Variants in SERPINE3 observed in about 807,000 individuals in gnomAD.
SERPINE3 encodes the protein serpin family E member 3.
Under a neutral mutation model 41.7 loss-of-function variants are expected in SERPINE3, and 43 were observed. The observed-to-expected ratio is 1.03, with a 90% confidence interval of 0.81 to 1.33. The LOEUF is 1.33. Among genes scored for constraint, SERPINE3 ranks in the 40% most tolerant of loss-of-function variants. SERPINE3 has a pLI of 0.00. For synonymous variants in SERPINE3, 200 were observed against 192.2 expected (o/e 1.04, Z -0.34); for missense variants, 440 against 491.7 (o/e 0.89, Z 0.99).
chr13:51,341,021 C>T (rs1955283793), intron 2 of SERPINE3, 54 bp from the exon 3 acceptor site: 1 of 1,559,130 alleles, frequency 6.4e-7, no homozygotes, highest in Non-Finnish European at 8.7e-7. Flanking sequence ...GGACATGGCC[C>T]TCTTTCATCA....
intron 4 of SERPINE3, 95 bp from the exon 5 acceptor site, chr13:51,346,930 A>T: frequency 1.1e-6 from 1 of 880,744 alleles, no homozygotes; most frequent in South Asian, 1.5e-5. Context: ...GCATTTTCGC[A>T]TTTTAACTCT....
At chr13:51,359,470 T>C (rs779381143) in intron 7 of SERPINE3, among the ~76,000 whole-genome samples, 6 of 152,120 alleles carry the variant, frequency 3.9e-5, no homozygotes, top group Non-Finnish European at 8.8e-5. Flanking sequence ...AAATGTCAAT[T>C]ATTGGACCAC....
intron 7 of SERPINE3, among the ~76,000 whole-genome samples, chr13:51,357,630 A>G (rs1955500036): frequency 6.6e-6 from 1 of 151,948 alleles, no homozygotes. Context: ...GACTCATTCA[A>G]TATTATCTCA....
intron 5 of SERPINE3, 134 bp from the exon 6 acceptor site, chr13:51,348,079 C>T (rs1022824947): frequency 2.0e-5 from 13 of 656,164 alleles, no homozygotes; most frequent in Admixed American, 1.2e-4. Context: ...GGCCTGAAAC[C>T]GCCTCCTGAG....
At chr13:51,346,654 C>A (rs1258066906) in intron 4 of SERPINE3, among the ~76,000 whole-genome samples, 1 of 152,224 alleles carries the variant, frequency 6.6e-6, no homozygotes, top group African/African-American at 2.4e-5. Flanking sequence ...ACACCCTCAT[C>A]CCCCAGCAGG....
intron 6 of SERPINE3, 121 bp downstream of exon 6, chr13:51,348,532 T>C (rs899217367): frequency 1.4e-6 from 1 of 737,990 alleles, no homozygotes; most frequent in Non-Finnish European, 2.2e-6. Flanking sequence ...TTGTTTAATA[T>C]GTATCCCCAG....
chr13:51,348,441 T>C, intron 6 of SERPINE3, 30 bp downstream of exon 6: 1 of 1,593,612 alleles, frequency 6.3e-7, no homozygotes, highest in African/African-American at 1.3e-5. Context: ...TCACAGGTGC[T>C]GTGCAGCCAG....
At chr13:51,355,599 CA>C (rs1955469370) in intron 7 of SERPINE3, among the ~76,000 whole-genome samples, 2 of 152,132 alleles carry the variant, frequency 1.3e-5, no homozygotes, top group South Asian at 4.1e-4. Context: ...CTCATCTGTC[CA>C]ATTTCCTTTT....
chr13:51,358,317 A>G (rs1955512345), intron 7 of SERPINE3, among the ~76,000 whole-genome samples: 1 of 152,166 alleles, frequency 6.6e-6, no homozygotes, highest in Admixed American at 6.5e-5. Flanking sequence ...AGCAAATGAT[A>G]TGTTTATCCT....
In SERPINE3 at chr13:51,341,136, C is replaced by T. The variant is rs763035581; in HGVS notation, c.45C>T (p.Cys15=). 8 of 1,614,036 alleles carry T rather than the reference C, an allele frequency of 5.0e-6. No homozygotes were observed. In the South Asian group the frequency reaches 7.7e-5, roughly 16 times the overall value. Reference sequence around the variant, plus strand: ...CCCTCTTCCTCTTTCACTCTTGCTGCCTCCGAGCAAATGGCCACCTCCGTG... The same window carrying T: ...CCCTCTTCCTCTTTCACTCTTGCTGTCTCCGAGCAAATGGCCACCTCCGTG... ...LITLFLFHSC[C]LRANGHLREG... is the part of the protein sequence containing the mutation. The change falls in exon 3 of 10, where the codon TGC becomes TGT. Residue 15 remains cysteine, a synonymous_variant. Coordinates refer to ENST00000681248, the MANE Select transcript of SERPINE3 (RefSeq NM_001386375.1).
chr13:51,361,685 C>T, intron 8 of SERPINE3, 125 bp from the exon 9 acceptor site: 1 of 835,670 alleles, frequency 1.2e-6, no homozygotes, highest in Non-Finnish European at 1.8e-6. Context: ...CCCATCACAA[C>T]AGTAAACAAT....
At chr13:51,349,920 T>G (rs1955388324) in intron 6 of SERPINE3, among the ~76,000 whole-genome samples, 1 of 152,228 alleles carries the variant, frequency 6.6e-6, no homozygotes, top group South Asian at 2.1e-4. Context: ...TAACCAAGTT[T>G]TTTTTGTTTG....
At chr13:51,356,699 T>C (rs1955487042) in intron 7 of SERPINE3, among the ~76,000 whole-genome samples, 1 of 152,082 alleles carries the variant, frequency 6.6e-6, no homozygotes, top group South Asian at 2.1e-4. Context: ...CCCCTATTGG[T>C]AAAGGCTTCC....
In SERPINE3 at chr13:51,349,053, T is replaced by G. The variant is rs1955381014; in HGVS notation, c.899+642T>G. ...AAACAAAATCTATTAGCAAAACTCA[T>G]AACTTTACAAAAAGACTCCTCTTAG... On this transcript the variant is annotated intron_variant, in intron 6 of 9. Coordinates refer to ENST00000681248, the MANE Select transcript of SERPINE3 (RefSeq NM_001386375.1). 2.0e-5 allele frequency among the ~76,000 whole-genome samples: 3 copies of G among 152,210 alleles called. No individual in the cohort carries two copies. In the South Asian group the frequency reaches 6.2e-4, roughly 32 times the overall value.
chr13:51,344,451 C>T lies in SERPINE3; in HGVS notation c.456C>T (p.Ile152=), dbSNP rs1182649926. Residue 152 remains isoleucine, a synonymous_variant, in exon 4 of 10, where the codon ATC becomes ATT. Coordinates refer to ENST00000681248, the MANE Select transcript of SERPINE3 (RefSeq NM_001386375.1). ...ADLSEPNSTA[I]QTSEGASRET... is the part of the protein sequence containing the mutation. ...TCAGTGAGCCCAATAGCACCGCCAT[C>T]CAGACTAGCGAAGGGGCCTCCAGAG... is the stretch of plus-strand genomic sequence containing the variant. 6.2e-7 allele frequency: 1 copy of T among 1,601,522 alleles called. No homozygotes were observed. Among genetic ancestry groups the T allele is most frequent in the Non-Finnish European group, 8.5e-7 (1 of 1,173,636 alleles).
intron 7 of SERPINE3, among the ~76,000 whole-genome samples, chr13:51,356,127 T>C (rs1955478270): frequency 6.6e-6 from 1 of 152,166 alleles, no homozygotes; most frequent in South Asian, 2.1e-4. Context: ...GAGAATCTAT[T>C]CTACAGAGTT....
At chr13:51,345,341 CA>C (rs1469406268) in intron 4 of SERPINE3, among the ~76,000 whole-genome samples, 2 of 152,026 alleles carry the variant, frequency 1.3e-5, no homozygotes, top group African/African-American at 4.8e-5. Flanking sequence ...GGTTAAAAAG[CA>C]AAATAGGATT....
chr13:51,360,312 G>A (rs1429482493), intron 7 of SERPINE3, among the ~76,000 whole-genome samples: 2 of 151,580 alleles, frequency 1.3e-5, no homozygotes, highest in South Asian at 2.1e-4. Flanking sequence ...AGGCGGCAGT[G>A]TTTGAATGGA....
chr13:51,359,187 G>A (rs757678651), intron 7 of SERPINE3, among the ~76,000 whole-genome samples: 1 of 151,996 alleles, frequency 6.6e-6, no homozygotes, highest in African/African-American at 2.4e-5. Context: ...AGTAGAAAAA[G>A]ACCAGGAGAA....
Sources: gnomAD v4.1 joint callset for allele counts (sites outside exome capture counted in the v4.1 genomes callset) on GRCh38, gnomAD v4.1.1 for gene constraint, MANE v1.5 for transcripts, NCBI Gene and HGNC (gene_info 2026-07-23, HGNC 2026-07-21) for gene names.